CBFA2T2: variants seen among roughly 807,000 people sequenced by gnomAD.
CBFA2T2 encodes protein CBFA2T2.
In CBFA2T2, 11 loss-of-function variants were observed where a neutral mutation model predicts 62.2. The ratio of observed to expected loss-of-function variants is 0.18; its 90% CI spans 0.11 to 0.29. The LOEUF (loss-of-function observed/expected upper bound fraction) is 0.29, where lower values mean the gene tolerates loss of function less well. CBFA2T2 is among the 10% of genes least tolerant of loss of function. The probability of loss-of-function intolerance (pLI) is 1.00; values close to 1 mark genes in which losing one functional copy is unlikely to be tolerated. For missense variants in CBFA2T2, 592 were observed against 774.1 expected, an observed-to-expected ratio of 0.76 and a Z score of 2.79; for synonymous variants, 295 against 287.5, an observed-to-expected ratio of 1.03 and a Z score of -0.27.
At chr20:33,590,248 CAA>C (rs111328507) in intron 1 of CBFA2T2, among the ~76,000 whole-genome samples, 16 of 103,664 alleles carry the variant, frequency 1.5e-4, no homozygotes, top group Admixed American at 2.0e-4. Flanking sequence ...TCTTTTTTTA[CAA>C]AAAAAAAAAA....
intron 1 of CBFA2T2, among the ~76,000 whole-genome samples, chr20:33,524,455 C>CGAAA (rs1201250118): frequency 6.6e-6 from 1 of 152,076 alleles, no homozygotes; most frequent in African/African-American, 2.4e-5. Context: ...AAGGGGCTTT[C>CGAAA]AGACTGTGGG....
chr20:33,547,289 G>C (rs1300058875), intron 1 of CBFA2T2, among the ~76,000 whole-genome samples: 1 of 152,184 alleles, frequency 6.6e-6, no homozygotes, highest in East Asian at 1.9e-4. Flanking sequence ...CTATACCTTT[G>C]AAGCTGAGTC....
At chr20:33,606,220 A>G (rs1333785120) in intron 1 of CBFA2T2, among the ~76,000 whole-genome samples, 47 of 152,084 alleles carry the variant, frequency 3.1e-4, no homozygotes, top group Admixed American at 2.9e-3. Flanking sequence ...CACCCCTAAT[A>G]ATTTGATTCA....
chr20:33,534,469 C>T (rs1367325995), intron 1 of CBFA2T2, among the ~76,000 whole-genome samples: 7 of 152,038 alleles, frequency 4.6e-5, no homozygotes, highest in Non-Finnish European at 8.8e-5. Flanking sequence ...CGCGCCACCA[C>T]GCCCGGCTAA....
At chr20:33,528,921 T>C (rs895068337) in intron 1 of CBFA2T2, among the ~76,000 whole-genome samples, 1 of 152,210 alleles carries the variant, frequency 6.6e-6, no homozygotes, top group Non-Finnish European at 1.5e-5. Context: ...AGTACCAAGT[T>C]TTGGGCTCGT....
chr20:33,514,206 GTTTTTTTTTTTTTTT>G (rs1196003433), intron 1 of CBFA2T2, among the ~76,000 whole-genome samples: 15 of 53,330 alleles, frequency 2.8e-4, no homozygotes, highest in Non-Finnish European at 4.9e-4. Flanking sequence ...CCCTGCCTTT[GTTTTTTTTTTTTTTT>G]TTTTTTTTTT....
chr20:33,623,974 G>GAAAAA, intron 5 of CBFA2T2: 1 of 558,290 alleles, frequency 1.8e-6, no homozygotes, highest in Admixed American at 3.5e-5. Flanking sequence ...AAAAAGAAAA[G>GAAAAA]AAAAGAAAAA....
chr20:33,596,919 GTTTT>G (rs59278499), intron 1 of CBFA2T2, among the ~76,000 whole-genome samples: 68 of 125,358 alleles, frequency 5.4e-4, no homozygotes, highest in Non-Finnish European at 9.6e-4. Context: ...CTTGACCTCT[GTTTT>G]TTTTTTTTTT....
At chr20:33,554,157 C>G (rs1240114175) in intron 1 of CBFA2T2, among the ~76,000 whole-genome samples, 5 of 151,986 alleles carry the variant, frequency 3.3e-5, no homozygotes, top group Non-Finnish European at 7.4e-5. Flanking sequence ...AAGAAACATT[C>G]CAGGTTGCTG....
intron 1 of CBFA2T2, among the ~76,000 whole-genome samples, chr20:33,491,631 A>C (rs147101228): frequency 1.3e-5 from 2 of 152,256 alleles, no homozygotes; most frequent in African/African-American, 4.8e-5. Flanking sequence ...TTCCTCATGA[A>C]ATTTCCAACT....
intron 1 of CBFA2T2, among the ~76,000 whole-genome samples, chr20:33,540,404 A>C (rs2012382090): frequency 6.6e-6 from 1 of 152,234 alleles, no homozygotes; most frequent in Admixed American, 6.5e-5. Context: ...ACAGCATGTT[A>C]CTGTACTGAA....
chr20:33,535,884 C>G (rs1476155618), intron 1 of CBFA2T2, among the ~76,000 whole-genome samples: 1 of 152,028 alleles, frequency 6.6e-6, no homozygotes, highest in Non-Finnish European at 1.5e-5. Context: ...AACGAGCATG[C>G]TGCCTTCAAG....
Position 33,512,919 on chromosome 20 carries a change from A to AT in CBFA2T2, c.34+22624dup, listed in dbSNP as rs1230620342. 2.0e-5 allele frequency among the ~76,000 whole-genome samples: 3 copies of AT among 151,750 alleles called. No individual in the cohort carries two copies. The East Asian group carries it at 5.8e-4, about 29-fold the overall frequency. ...AGGCTCCTGCCACCAAGCCCAGCTA[A>AT]TTTTTTGTATTTTTAGTAGAGACAG... On this transcript the variant is annotated intron_variant, in intron 1 of 10. Transcript: ENST00000342704.
At chr20:33,514,729 G>C (rs1431223351) in intron 1 of CBFA2T2, among the ~76,000 whole-genome samples, 1 of 151,738 alleles carries the variant, frequency 6.6e-6, no homozygotes, top group African/African-American at 2.4e-5. Context: ...ACAAAGTCTT[G>C]CTCTGTCCTA....
chr20:33,623,937 G>A (rs1417852123), intron 5 of CBFA2T2: 6 of 533,432 alleles, frequency 1.1e-5, no homozygotes, highest in Non-Finnish European at 2.0e-5. Context: ...CCTTGATGCT[G>A]TTTGTAGAAA....
Position 33,503,286 on chromosome 20 carries a change from G to A in CBFA2T2, c.34+12985G>A, listed in dbSNP as rs868694551. Among the ~76,000 whole-genome samples, 736 of 111,474 alleles carry A rather than the reference G, an allele frequency of 6.6e-3. 7 individuals are homozygous for A. The highest frequency in any genetic ancestry group is 0.025 in the African/African-American group (706 of 28,754). 73.1% of individuals were successfully genotyped at this position (111,474 alleles called of 152,430 possible). A position where few individuals can be genotyped will look rare whatever the true frequency, so the allele number is the denominator to read the frequency against. On this transcript the variant is annotated intron_variant, in intron 1 of 10. Coordinates refer to ENST00000342704, the MANE Select transcript of CBFA2T2 (RefSeq NM_001032999.3). Reference sequence around the variant, plus strand: ...TTTTTTTTTTTTGAGATGGAGTCTCGCCCAGTCGCCCAGGCTGGAATGCAG... The same window carrying A: ...TTTTTTTTTTTTGAGATGGAGTCTCACCCAGTCGCCCAGGCTGGAATGCAG...
chr20:33,598,764 G>A (rs1434233216), intron 1 of CBFA2T2, among the ~76,000 whole-genome samples: 3 of 152,192 alleles, frequency 2.0e-5, no homozygotes, highest in African/African-American at 4.8e-5. Context: ...TTTAGAGATT[G>A]CAGTAAAGAC....
chr20:33,576,286 G>A (rs1411347736), intron 1 of CBFA2T2, among the ~76,000 whole-genome samples: 1 of 152,120 alleles, frequency 6.6e-6, no homozygotes, highest in African/African-American at 2.4e-5. Flanking sequence ...TTAATATCTA[G>A]CAGAGGTCTC....
At chr20:33,623,948 G>T (rs746394275) in intron 5 of CBFA2T2, 21 of 330,300 alleles carry the variant, frequency 6.4e-5, no homozygotes, top group East Asian at 1.2e-4. Flanking sequence ...TTTGTAGAAA[G>T]AATTGGAAAA....
Sources: gnomAD v4.1 joint callset for allele counts (sites outside exome capture counted in the v4.1 genomes callset) on GRCh38, gnomAD v4.1.1 for gene constraint, MANE v1.5 for transcripts, NCBI Gene and HGNC (gene_info 2026-07-23, HGNC 2026-07-21) for gene names.